Variants in RCAN1 observed in about 807,000 individuals in gnomAD.
The protein encoded by RCAN1 is calcipressin-1.
Under a neutral mutation model 22.9 loss-of-function variants are expected in RCAN1, and 11 were observed. The observed-to-expected ratio is 0.48, with a 90% CI of 0.30 to 0.79. The LOEUF (loss-of-function observed/expected upper bound fraction) is 0.79, where lower values mean the gene tolerates loss of function less well. RCAN1 is among the 30% of genes least tolerant of loss of function. RCAN1 has a pLI of 0.06. For missense variants in RCAN1, 291 were observed against 337.8 expected (o/e 0.86, Z 1.09); for synonymous variants, 136 against 142.3 (o/e 0.96, Z 0.32).
chr21:34,581,879 C>T (rs1025308479), intron 1 of RCAN1, among the ~76,000 whole-genome samples: 1 of 152,168 alleles, frequency 6.6e-6, no homozygotes, highest in Admixed American at 6.5e-5. Context: ...CCATTTAGGT[C>T]GCAGAATTGG....
chr21:34,536,153 G>A (rs1261639180), intron 1 of RCAN1, among the ~76,000 whole-genome samples: 4 of 152,144 alleles, frequency 2.6e-5, no homozygotes, highest in African/African-American at 7.2e-5. Flanking sequence ...CAATGTTTAA[G>A]ATGAAAAAAT....
intron 1 of RCAN1, among the ~76,000 whole-genome samples, chr21:34,580,466 G>A (rs1269161279): frequency 6.6e-6 from 1 of 152,198 alleles, no homozygotes; most frequent in Non-Finnish European, 1.5e-5. Context: ...ATCAGATCAG[G>A]CCTGTGTTAA....
chr21:34,539,026 T>G (rs1473326761), intron 1 of RCAN1, among the ~76,000 whole-genome samples: 1 of 152,178 alleles, frequency 6.6e-6, no homozygotes, highest in Non-Finnish European at 1.5e-5. Flanking sequence ...CCACTCCAAA[T>G]CATTAGCTCA....
chr21:34,614,796 G>C lies in RCAN1; in HGVS notation c.216C>G (p.His72Gln), dbSNP rs200939086. ...CGTCCACGAACACGCGCGGGTCCAG[G>C]TGACAGGCGATGGTGGCGCTGGGCA... ...QDLPSATIACHLDPRVFVDGL... is the reference protein window; with the variant it reads ...QDLPSATIACQLDPRVFVDGL... The change falls in exon 1 of 4, where the codon CAC (histidine) becomes CAG (glutamine). Residue 72 changes from histidine (H) to glutamine (Q), a missense_variant. Physicochemically the swap from His to Gln is conservative, Grantham distance 24. Coordinates refer to ENST00000313806, the MANE Select transcript of RCAN1 (RefSeq NM_004414.7). This position sits in a 1 kb window ranked among gnomAD's most constrained non-coding sequence, Gnocchi z 6.0. 6.8e-7 allele frequency: 1 copy of C among 1,480,882 alleles called. No individual in the cohort carries two copies. The highest frequency in any genetic ancestry group is 9.0e-7 in the Non-Finnish European group (1 of 1,113,388). The allele number at this position is 1,480,882 out of a possible 1,614,324, so 91.7% of individuals were successfully genotyped here. A position where few individuals can be genotyped will look rare whatever the true frequency, so the allele number is the denominator to read the frequency against.
chr21:34,566,680 T>C (rs777358948), intron 1 of RCAN1, among the ~76,000 whole-genome samples: 5 of 152,144 alleles, frequency 3.3e-5, no homozygotes, highest in Non-Finnish European at 7.4e-5. Flanking sequence ...TGAGACTGTG[T>C]AATGTATAAA....
rs533009768 is a variant in RCAN1, at chr21:34,589,830, T to C, written c.252+24930A>G. 1.0e-3 allele frequency among the ~76,000 whole-genome samples: 158 copies of C among 152,330 alleles called. 2 individuals are homozygous for C. The highest frequency in any genetic ancestry group is 3.7e-3 in the African/African-American group (155 of 41,558). On this transcript the variant is annotated intron_variant, in intron 1 of 3. Transcript: ENST00000313806. The stretch of plus-strand genomic sequence containing the variant: ...TGCCGTGGTTCTCAGGCCTTTGGAC[T>C]AGCCAGTCTCAAGTCTCCAGCCTGC...
At chr21:34,600,591 T>C (rs1164896791) in intron 1 of RCAN1, among the ~76,000 whole-genome samples, 1 of 152,192 alleles carries the variant, frequency 6.6e-6, no homozygotes, top group Non-Finnish European at 1.5e-5. Context: ...TATTTCTCAA[T>C]TGCAATATTT....
chr21:34,539,258 T>C (rs1985812539), intron 1 of RCAN1, among the ~76,000 whole-genome samples: 1 of 152,228 alleles, frequency 6.6e-6, no homozygotes, highest in Admixed American at 6.5e-5. Context: ...TATAGTTTTA[T>C]GTAAATAAAA....
chr21:34,579,347 G>T (rs1425657095), intron 1 of RCAN1, among the ~76,000 whole-genome samples: 1 of 152,178 alleles, frequency 6.6e-6, no homozygotes, highest in Non-Finnish European at 1.5e-5. Context: ...AGGCTGCAGT[G>T]AGCTGAGATT....
intron 1 of RCAN1, among the ~76,000 whole-genome samples, chr21:34,596,606 G>T (rs1226428711): frequency 3.3e-5 from 5 of 152,170 alleles, no homozygotes; most frequent in Non-Finnish European, 7.3e-5. Context: ...CTCAGGGACA[G>T]GAGCAACCCC....
intron 1 of RCAN1, among the ~76,000 whole-genome samples, chr21:34,528,244 G>T (rs73207089): frequency 1.3e-5 from 2 of 152,148 alleles, no homozygotes; most frequent in Non-Finnish European, 2.9e-5. Context: ...CATGCAAGAG[G>T]AAGAAACAAA....
chr21:34,521,367 A>T lies in RCAN1; in HGVS notation c.586+132T>A, dbSNP rs568333011. 3 of 1,547,844 alleles carry T rather than the reference A, an allele frequency of 1.9e-6. No homozygotes were observed. In the East Asian group the frequency reaches 7.2e-5, roughly 37 times the overall value. ...GCACAAGGGACGGTGGCGCAGAAGA[A>T]TACAGAGAAGCTCACAAAACATGCC... On this transcript the variant is annotated intron_variant, in intron 3 of 3. Coordinates refer to ENST00000313806, the MANE Select transcript of RCAN1 (RefSeq NM_004414.7).
intron 1 of RCAN1, among the ~76,000 whole-genome samples, chr21:34,594,763 G>A (rs146471728): frequency 6.8e-4 from 104 of 152,282 alleles, no homozygotes; most frequent in African/African-American, 1.8e-3. Context: ...GTGTTGCATC[G>A]GAATCCCAAG....
chr21:34,563,212 A>G (rs1986859489), intron 1 of RCAN1, among the ~76,000 whole-genome samples: 1 of 152,224 alleles, frequency 6.6e-6, no homozygotes, highest in Non-Finnish European at 1.5e-5. Context: ...AATCTAGCAT[A>G]AAACTCAACT....
At chr21:34,571,998 T>C (rs1421973213) in intron 1 of RCAN1, among the ~76,000 whole-genome samples, 4 of 152,170 alleles carry the variant, frequency 2.6e-5, no homozygotes, top group Non-Finnish European at 4.4e-5. Context: ...AAAATGATCA[T>C]CCTATTTCAA....
chr21:34,519,307 C>T (rs1984294307), intron 3 of RCAN1, among the ~76,000 whole-genome samples: 1 of 152,186 alleles, frequency 6.6e-6, no homozygotes, highest in Non-Finnish European at 1.5e-5. Context: ...CCTGCTCCAC[C>T]CACAGGGTGT....
chr21:34,537,960 G>A (rs1985747885), intron 1 of RCAN1, among the ~76,000 whole-genome samples: 1 of 152,204 alleles, frequency 6.6e-6, no homozygotes, highest in African/African-American at 2.4e-5. Flanking sequence ...AAATGCCAGG[G>A]AATGGTGGTG....
chr21:34,606,064 G>C (rs2123732405), intron 1 of RCAN1, among the ~76,000 whole-genome samples: 1 of 152,280 alleles, frequency 6.6e-6, no homozygotes, highest in Non-Finnish European at 1.5e-5. Context: ...CTATAGAATG[G>C]GGATGATAAC....
chr21:34,531,602 C>T (rs1985393674), intron 1 of RCAN1, among the ~76,000 whole-genome samples: 1 of 152,208 alleles, frequency 6.6e-6, no homozygotes, highest in South Asian at 2.1e-4. Context: ...CAAGCTCGGT[C>T]ACGTTCCTCT....
Sources: gnomAD v4.1 joint callset for allele counts (sites outside exome capture counted in the v4.1 genomes callset) on GRCh38, gnomAD v4.1.1 for gene constraint, Gnocchi (gnomAD v3.1) non-coding constraint, MANE v1.5 for transcripts, NCBI Gene and HGNC (gene_info 2026-07-23, HGNC 2026-07-21) for gene names.